The following PCYT1B variants were observed in gnomAD, a reference collection of about 807,000 sequenced individuals.
PCYT1B encodes the protein phosphate cytidylyltransferase 1B, choline.
In PCYT1B, 10 loss-of-function variants were observed where a neutral mutation model predicts 26.4. The observed-to-expected ratio is 0.38, with a 90% confidence interval of 0.23 to 0.64. PCYT1B has a LOEUF of 0.64. PCYT1B is among the 30% of genes least tolerant of loss of function. The pLI, the probability that PCYT1B is intolerant of heterozygous loss-of-function variation, is 0.56. For synonymous variants in PCYT1B, 131 were observed against 108.4 expected, an observed-to-expected ratio of 1.21 and a Z score of -1.29; for missense variants, 161 against 292.7, an observed-to-expected ratio of 0.55 and a Z score of 3.28.
intron 3 of PCYT1B, among the ~76,000 whole-genome samples, chrX:24,601,748 T>C (rs1169073738): frequency 9.0e-6 from 1 of 111,597 alleles, no homozygotes. Context: ...CAACCTACTA[T>C]ACACCTATTA....
At chrX:24,613,922 C>T (rs1342122621) in intron 2 of PCYT1B, among the ~76,000 whole-genome samples, 1 of 97,064 alleles carries the variant, frequency 1.0e-5, no homozygotes, top group Non-Finnish European at 2.0e-5. Flanking sequence ...CACTGCACTC[C>T]AGCCTGGGTG....
At position 24,562,035 on chromosome X, in the gene PCYT1B, T is replaced by C; in HGVS notation, c.*258A>G. 8.7e-7 allele frequency: 1 copy of C among 1,152,439 alleles called. No individual in the cohort carries two copies. Among genetic ancestry groups the C allele is most frequent in the Non-Finnish European group, 1.2e-6 (1 of 842,544 alleles). 95.0% of individuals were successfully genotyped at this position (1,152,439 alleles called of 1,213,427 possible). A position where few individuals can be genotyped will look rare whatever the true frequency, so the allele number is the denominator to read the frequency against. On this transcript the variant is annotated 3_prime_UTR_variant, in exon 8 of 8. Coordinates refer to ENST00000379144, the MANE Select transcript of PCYT1B (RefSeq NM_004845.5). ...CTCTAGGGAACTCTGCATCCTTCCT[T>C]AGCAAGGTTAGAGTGACTCTAGACG...
chrX:24,625,457 T>C (rs1925853625), intron 1 of PCYT1B, among the ~76,000 whole-genome samples: 1 of 110,678 alleles, frequency 9.0e-6, no homozygotes, highest in Admixed American at 9.8e-5. Flanking sequence ...ACTGTGTCAC[T>C]GATTATGTAG....
chrX:24,651,472 A>AAAAAAAT (rs1555965467), upstream of PCYT1B, among the ~76,000 whole-genome samples: 4 of 26,059 alleles, frequency 1.5e-4, no homozygotes, highest in Non-Finnish European at 2.4e-4. Flanking sequence ...AAAAAAAAAA[A>AAAAAAAT]ATATATATAT....
At chrX:24,600,342 C>G (rs769695429) in intron 3 of PCYT1B, among the ~76,000 whole-genome samples, 1 of 111,519 alleles carries the variant, frequency 9.0e-6, no homozygotes, top group East Asian at 2.8e-4. Context: ...CTTCTTAGAT[C>G]CATCAGAGAA....
At chrX:24,571,311 C>G (rs924198462) in intron 7 of PCYT1B, among the ~76,000 whole-genome samples, 2 of 111,183 alleles carry the variant, frequency 1.8e-5, no homozygotes. Context: ...TTGCAGTGAA[C>G]CGAGATCGCG....
chrX:24,633,741 T>C (rs1348596683), intron 1 of PCYT1B, among the ~76,000 whole-genome samples: 2 of 111,624 alleles, frequency 1.8e-5, no homozygotes, highest in Non-Finnish European at 3.8e-5. Flanking sequence ...AAATACGCCA[T>C]ACGAACTTAA....
chrX:24,589,316 A>AT (rs774442890), intron 4 of PCYT1B, among the ~76,000 whole-genome samples: 5 of 111,441 alleles, frequency 4.5e-5, no homozygotes, highest in East Asian at 5.6e-4. Flanking sequence ...GCTTAATCTT[A>AT]TTTTTTTTGT....
chrX:24,625,550 C>T (rs948256270), intron 1 of PCYT1B, among the ~76,000 whole-genome samples: 3 of 108,828 alleles, frequency 2.8e-5, no homozygotes, highest in African/African-American at 1.0e-4. Flanking sequence ...GTATGTGGTT[C>T]AGCACCAAGA....
intron 2 of PCYT1B, among the ~76,000 whole-genome samples, chrX:24,613,181 G>A (rs1013449619): frequency 3.6e-5 from 4 of 111,808 alleles, no homozygotes; most frequent in Admixed American, 9.5e-5. Context: ...AAAACTACAT[G>A]CTGATATGAA....
intron 3 of PCYT1B, among the ~76,000 whole-genome samples, chrX:24,596,252 G>A (rs937903097): frequency 1.8e-5 from 2 of 111,920 alleles, no homozygotes; most frequent in African/African-American, 6.5e-5. Flanking sequence ...AGCTTGCATA[G>A]AAGAATTTTC....
chrX:24,592,049 G>A (rs187858646), intron 3 of PCYT1B, among the ~76,000 whole-genome samples: 3 of 110,949 alleles, frequency 2.7e-5, no homozygotes, highest in East Asian at 2.8e-4. Context: ...CCTGTCCCCC[G>A]TCATCTACCT....
chrX:24,629,591 C>CAAAA (rs1330878773), intron 1 of PCYT1B, among the ~76,000 whole-genome samples: 1 of 67,107 alleles, frequency 1.5e-5, no homozygotes, highest in Non-Finnish European at 2.6e-5. Flanking sequence ...AAAAAAAAAA[C>CAAAA]AACACGTATT....
chrX:24,611,116 C>T (rs967139331), intron 2 of PCYT1B, among the ~76,000 whole-genome samples: 6 of 111,182 alleles, frequency 5.4e-5, no homozygotes, highest in African/African-American at 1.3e-4. Context: ...TCTAGGAAGT[C>T]TGGGATTTTG....
chrX:24,573,280 C>T (rs1418460557), intron 7 of PCYT1B, among the ~76,000 whole-genome samples: 1 of 110,560 alleles, frequency 9.0e-6, no homozygotes, highest in Admixed American at 9.7e-5. Context: ...TCTCCTGCCT[C>T]AGCCTCCTGA....
intron 4 of PCYT1B, 152 bp from the exon 5 acceptor site, chrX:24,587,471 G>T: frequency 4.6e-6 from 2 of 438,105 alleles, no homozygotes; most frequent in Non-Finnish European, 8.2e-6. Flanking sequence ...TGGCTGAAAT[G>T]TATTTCCAAC....
intron 1 of PCYT1B, among the ~76,000 whole-genome samples, chrX:24,653,643 A>G (rs5944666): frequency 3.1e-4 from 35 of 111,507 alleles, no homozygotes; most frequent in South Asian, 7.6e-4. Flanking sequence ...TATTTCCTGG[A>G]ATCGGATCAT....
intron 5 of PCYT1B, among the ~76,000 whole-genome samples, chrX:24,580,500 G>A (rs746714726): frequency 2.7e-5 from 3 of 112,080 alleles, no homozygotes; most frequent in Non-Finnish European, 5.6e-5. Context: ...ACAGTCTACT[G>A]TACATGGTAG....
intron 6 of PCYT1B, among the ~76,000 whole-genome samples, 180 bp from the exon 7 acceptor site, chrX:24,575,498 A>G (rs1923987102): frequency 8.9e-6 from 1 of 112,665 alleles, no homozygotes; most frequent in Admixed American, 9.4e-5. Flanking sequence ...CTTGTAAGAA[A>G]AGTCATCTGC....
Sources: allele counts gnomAD v4.1 joint callset (sites outside exome capture counted in the v4.1 genomes callset), GRCh38; gene constraint gnomAD v4.1.1; transcripts MANE v1.5; gene names NCBI Gene and HGNC (gene_info 2026-07-23, HGNC 2026-07-21).